Variants in SLIT2 observed in about 807,000 individuals in gnomAD.
SLIT2 encodes the protein slit guidance ligand 2.
SLIT2 carries 41 observed loss-of-function variants against 185.7 expected under a neutral mutation model. The observed-to-expected ratio is 0.22, with a 90% CI of 0.17 to 0.29. The LOEUF (loss-of-function observed/expected upper bound fraction) is 0.29, where lower values mean the gene tolerates loss of function less well. Among genes scored for constraint, SLIT2 ranks in the 10% least tolerant of loss-of-function variants. SLIT2 has a pLI of 1.00. For missense variants in SLIT2, 1,571 were observed against 1,909.0 expected, an observed-to-expected ratio of 0.82 and a Z score of 3.30; for synonymous variants, 693 against 680.2, an observed-to-expected ratio of 1.02 and a Z score of -0.29.
chr4:20,424,897 C>G (rs1728435694), intron 4 of SLIT2, among the ~76,000 whole-genome samples: 6 of 152,084 alleles, frequency 3.9e-5, no homozygotes, highest in Admixed American at 3.9e-4. Flanking sequence ...TGAGACTTTA[C>G]TAATATCAGA....
chr4:20,398,919 C>T (rs1038521873), intron 4 of SLIT2, among the ~76,000 whole-genome samples: 1 of 151,768 alleles, frequency 6.6e-6, no homozygotes, highest in Non-Finnish European at 1.5e-5. Context: ...TGCAGTTATA[C>T]TTCAAATTAA....
At chr4:20,429,741 T>TC (rs1728825781) in intron 4 of SLIT2, among the ~76,000 whole-genome samples, 1 of 151,984 alleles carries the variant, frequency 6.6e-6, no homozygotes, top group African/African-American at 2.4e-5. Context: ...GAGAGAGAAA[T>TC]CAGGAAATGG....
At chr4:20,344,070 C>T (rs999086352) in intron 4 of SLIT2, among the ~76,000 whole-genome samples, 1 of 152,184 alleles carries the variant, frequency 6.6e-6, no homozygotes, top group Non-Finnish European at 1.5e-5. Context: ...AGGATGGTCT[C>T]GATCTCCTGA....
chr4:20,434,764 C>G (rs1729237301), intron 4 of SLIT2, among the ~76,000 whole-genome samples: 1 of 152,110 alleles, frequency 6.6e-6, no homozygotes, highest in African/African-American at 2.4e-5. Flanking sequence ...ACTAGAAAGT[C>G]TGTTTAGAAA....
At chr4:20,481,735 A>G (rs1716722071) in intron 6 of SLIT2, among the ~76,000 whole-genome samples, 1 of 152,074 alleles carries the variant, frequency 6.6e-6, no homozygotes, top group Admixed American at 6.6e-5. Flanking sequence ...GGAATGGAAT[A>G]TCATTCTGAA....
rs187000870 is a variant in SLIT2, at chr4:20,429,171, T to C, written c.396-38581T>C. On this transcript the variant is annotated intron_variant, in intron 4 of 36. Transcript: ENST00000504154. ...GGGCACACAGAGGTGCTTTTCAAAATAGACGGAAAGTAATTTAATATCATT... is the reference window on the plus strand; with the variant it reads ...GGGCACACAGAGGTGCTTTTCAAAACAGACGGAAAGTAATTTAATATCATT... Among the ~76,000 whole-genome samples the C allele has an allele frequency of 3.1e-3, 476 of 152,244 alleles. 4 individuals are homozygous for C. The highest frequency in any genetic ancestry group is 3.5e-3 in the Non-Finnish European group (237 of 68,026).
At chr4:20,608,318 G>A (rs1419405632) in intron 33 of SLIT2, among the ~76,000 whole-genome samples, 1 of 152,050 alleles carries the variant, frequency 6.6e-6, no homozygotes, top group African/African-American at 2.4e-5. Flanking sequence ...TCGAATCCAG[G>A]ATTATCTGAC....
intron 4 of SLIT2, among the ~76,000 whole-genome samples, chr4:20,341,614 T>C (rs572422560): frequency 3.3e-5 from 5 of 152,296 alleles, no homozygotes; most frequent in Admixed American, 2.6e-4. Flanking sequence ...ACAGAAGTAA[T>C]TGTATCTAGG....
chr4:20,472,575 T>G (rs1341956509), intron 5 of SLIT2, among the ~76,000 whole-genome samples: 4 of 29,840 alleles, frequency 1.3e-4, no homozygotes, highest in African/African-American at 2.5e-4. Context: ...TATATATAGA[T>G]ATATCTATAT....
chr4:20,412,670 A>G (rs763949154), intron 4 of SLIT2, among the ~76,000 whole-genome samples: 1 of 152,112 alleles, frequency 6.6e-6, no homozygotes, highest in Non-Finnish European at 1.5e-5. Flanking sequence ...AACTTTATTG[A>G]TATGGAATTC....
intron 26 of SLIT2, among the ~76,000 whole-genome samples, chr4:20,564,277 C>A (rs1724919362): frequency 6.6e-6 from 1 of 151,496 alleles, no homozygotes; most frequent in Non-Finnish European, 1.5e-5. Flanking sequence ...AAAATATGGA[C>A]AGGGAGATGA....
chr4:20,372,170 C>T (rs1723640213), intron 4 of SLIT2, among the ~76,000 whole-genome samples: 1 of 152,060 alleles, frequency 6.6e-6, no homozygotes, highest in African/African-American at 2.4e-5. Context: ...GCCTTGATTT[C>T]ATTTAATTCT....
intron 11 of SLIT2, among the ~76,000 whole-genome samples, chr4:20,514,143 T>C (rs1296384288): frequency 6.6e-6 from 1 of 152,182 alleles, no homozygotes; most frequent in Non-Finnish European, 1.5e-5. Flanking sequence ...ACAAAAACCA[T>C]GCAAGTACAA....
At chr4:20,341,100 A>G (rs1419984832) in intron 4 of SLIT2, among the ~76,000 whole-genome samples, 1 of 152,192 alleles carries the variant, frequency 6.6e-6, no homozygotes, top group Non-Finnish European at 1.5e-5. Context: ...AGGGCCTTCA[A>G]AACAAGTTGC....
At chr4:20,280,249 C>T (rs1016259461) in intron 4 of SLIT2, among the ~76,000 whole-genome samples, 11 of 147,884 alleles carry the variant, frequency 7.4e-5, no homozygotes, top group Admixed American at 6.9e-5. Context: ...AGGAGAATGG[C>T]GTGAACCTGG....
chr4:20,410,047 G>A (rs1415966156), intron 4 of SLIT2, among the ~76,000 whole-genome samples: 1 of 151,956 alleles, frequency 6.6e-6, no homozygotes, highest in African/African-American at 2.4e-5. Flanking sequence ...AGTTTATTTT[G>A]CTGTGCAGAA....
At chr4:20,386,985 C>T (rs190330077) in intron 4 of SLIT2, among the ~76,000 whole-genome samples, 29 of 152,254 alleles carry the variant, frequency 1.9e-4, no homozygotes, top group Non-Finnish European at 2.6e-4. Flanking sequence ...GTGGTAGAGA[C>T]GGGGTGTGGC....
intron 4 of SLIT2, among the ~76,000 whole-genome samples, chr4:20,441,599 A>T (rs1439808849): frequency 6.6e-6 from 1 of 151,214 alleles, no homozygotes; most frequent in South Asian, 2.1e-4. Context: ...AAATACATAC[A>T]TACACACAGT....
rs1717048555 is a variant in SLIT2, at chr4:20,484,812, G to C, written c.540-1388G>C. Among the ~76,000 whole-genome samples, 2 of 152,180 alleles carry C rather than the reference G, an allele frequency of 1.3e-5. No individual in the cohort carries two copies. Among genetic ancestry groups the C allele is most frequent in the South Asian group, 4.1e-4 (2 of 4,832 alleles). Reference sequence around the variant, plus strand: ...GACAGCCCTCCCTTACAGCAGGTCAGTAGTCCATTGGAGCTGGAGATTATC... The same window carrying C: ...GACAGCCCTCCCTTACAGCAGGTCACTAGTCCATTGGAGCTGGAGATTATC... On this transcript the variant is annotated intron_variant, in intron 6 of 36. Coordinates refer to ENST00000504154, the MANE Select transcript of SLIT2 (RefSeq NM_004787.4). This position sits in a 1 kb window ranked among gnomAD's most constrained non-coding sequence, Gnocchi z 4.3.
Sources: allele counts gnomAD v4.1 joint callset (sites outside exome capture counted in the v4.1 genomes callset), GRCh38; gene constraint gnomAD v4.1.1; non-coding constraint Gnocchi (gnomAD v3.1); transcripts MANE v1.5; gene names NCBI Gene and HGNC (gene_info 2026-07-23, HGNC 2026-07-21).